TTC5: variants seen among roughly 807,000 people sequenced by gnomAD.
TTC5 encodes tetratricopeptide repeat protein 5.
In TTC5, 46 loss-of-function variants were observed where a neutral mutation model predicts 57.4. That is an observed-to-expected ratio of 0.80 (90% CI 0.63 to 1.03). The LOEUF is 1.03. TTC5 is among the 50% of genes least tolerant of loss of function. TTC5 has a pLI of 0.00. For missense variants in TTC5, 504 were observed against 528.1 expected (o/e 0.95, Z 0.45); for synonymous variants, 190 against 203.5 (o/e 0.93, Z 0.57).
At chr14:20,295,081 G>A in intron 8 of TTC5, 2 of 544,368 alleles carry the variant, frequency 3.7e-6, no homozygotes, top group Non-Finnish European at 6.6e-6. Flanking sequence ...AATCCACATA[G>A]CACCAAACTC....
chr14:20,292,058 C>T lies in TTC5; in HGVS notation c.1128G>A (p.Trp376Ter). ...CTACAGAGTCTCCAATGAGCACTCC[C>T]CAGCTCTGCACTATATTGTACACCA... is the stretch of plus-strand genomic sequence containing the variant. Reference protein sequence around the residue: ...AVMVYNIVQSWGVLIGDSVAI... With the variant: ...AVMVYNIVQS Residue 376 changes from tryptophan (W) to a stop codon, truncating the protein, a stop_gained, in exon 9 of 10, where the codon TGG becomes TGA. Transcript: ENST00000258821. LOFTEE classifies it high-confidence loss of function. The T allele has an allele frequency of 6.2e-7, 1 of 1,602,876 alleles. No individual in the cohort carries two copies. Among genetic ancestry groups the T allele is most frequent in the Non-Finnish European group, 8.5e-7 (1 of 1,174,682 alleles).
At chr14:20,298,683 C>T (rs1882116982) in intron 5 of TTC5, 114 bp downstream of exon 5, 1 of 711,250 alleles carries the variant, frequency 1.4e-6, no homozygotes, top group Non-Finnish European at 2.4e-6. Flanking sequence ...AATGAGATGC[C>T]AGCAAACACT....
chr14:20,296,575 C>A (rs1333664983), intron 5 of TTC5, 129 bp from the exon 6 acceptor site: 3 of 759,494 alleles, frequency 4.0e-6, no homozygotes, highest in Non-Finnish European at 6.9e-6. Context: ...GTATTTATAC[C>A]ACAGAAGCAG....
chr14:20,300,847 G>A, intron 2 of TTC5, 29 bp from the exon 3 acceptor site: 1 of 1,550,452 alleles, frequency 6.4e-7, no homozygotes, highest in Non-Finnish European at 8.7e-7. Flanking sequence ...GATAAAGTGG[G>A]AAAAAAACAA....
chr14:20,302,036 A>G, intron 1 of TTC5, 71 bp from the exon 2 acceptor site: 2 of 1,548,312 alleles, frequency 1.3e-6, no homozygotes, highest in Middle Eastern at 2.1e-4. Context: ...TTGGCTAGCC[A>G]TACCAGCTCT....
chr14:20,298,955 T>C (rs1882124130), intron 4 of TTC5, 67 bp from the exon 5 acceptor site: 2 of 1,249,392 alleles, frequency 1.6e-6, no homozygotes, highest in African/African-American at 2.9e-5. Flanking sequence ...ATTTTGATCA[T>C]TCTTGAAAGT....
Position 20,300,638 on chromosome 14 carries a change from G to A in TTC5, c.365C>T (p.Ala122Val). ...GAGGGCTCCTGAGAAGCAGGTGTGG[G>A]CAGCTGCAACATCCCCTTTTTTCCA... Reference protein sequence around the residue: ...VYWKKGDVAAAHTCFSGALTH... With the variant: ...VYWKKGDVAAVHTCFSGALTH... The change falls in exon 3 of 10, where the codon GCC becomes GTC. Residue 122 changes from alanine (A) to valine (V), a missense_variant. Transcript: ENST00000258821. 1 of 1,613,414 alleles carries A rather than the reference G, an allele frequency of 6.2e-7. No homozygotes were observed. Among genetic ancestry groups the A allele is most frequent in the Non-Finnish European group, 8.5e-7 (1 of 1,179,956 alleles).
rs2138814053 is a variant in TTC5, at chr14:20,298,807, T to C, written c.629A>G (p.Tyr210Cys). The C allele has an allele frequency of 3.7e-6, 6 of 1,613,204 alleles. No individual in the cohort carries two copies. The highest frequency in any genetic ancestry group is 1.1e-5 in the South Asian group (1 of 91,052). The change falls in exon 5 of 10, where the codon TAT becomes TGT. Residue 210 changes from tyrosine (Y) to cysteine (C), a missense_variant. Coordinates refer to ENST00000258821, the MANE Select transcript of TTC5 (RefSeq NM_138376.3). ...ACCATAAGTACTTACTGCTTGGGCA[T>C]AGGCACTGAGGGCTTGCTGGGAGAT... ...PKISQQALSA[Y>C]AQAEKVDRKA...
intron 1 of TTC5, among the ~76,000 whole-genome samples, chr14:20,303,885 A>G (rs1882239729): frequency 6.6e-6 from 1 of 152,170 alleles, no homozygotes; most frequent in Non-Finnish European, 1.5e-5. Context: ...CACCTGGAAG[A>G]CCTTATGCCT....
At chr14:20,301,139 G>A (rs1882181935) in intron 2 of TTC5, among the ~76,000 whole-genome samples, 1 of 152,168 alleles carries the variant, frequency 6.6e-6, no homozygotes, top group South Asian at 2.1e-4. Flanking sequence ...TTAAAACCAT[G>A]AAAAAGAGCA....
At chr14:20,305,762 A>G (rs1882278655) in intron 1 of TTC5, 125 bp downstream of exon 1, 3 of 1,028,948 alleles carry the variant, frequency 2.9e-6, no homozygotes, top group Admixed American at 1.8e-5. Flanking sequence ...GGGTTGTTAT[A>G]GTAACCACAC....
At chr14:20,302,326 T>C (rs1224248465) in intron 1 of TTC5, among the ~76,000 whole-genome samples, 1 of 152,240 alleles carries the variant, frequency 6.6e-6, no homozygotes, top group Non-Finnish European at 1.5e-5. Context: ...GATCATTCTA[T>C]ATGGTCCTGG....
At chr14:20,301,353 C>A (rs921531869) in intron 2 of TTC5, among the ~76,000 whole-genome samples, 4 of 152,120 alleles carry the variant, frequency 2.6e-5, no homozygotes, top group Admixed American at 6.5e-5. Context: ...ACAGAAAGTT[C>A]CTCTACAAGT....
intron 5 of TTC5, among the ~76,000 whole-genome samples, chr14:20,297,478 TAA>T: frequency 6.6e-6 from 1 of 151,968 alleles, no homozygotes; most frequent in East Asian, 1.9e-4. Context: ...AACTTCAGAT[TAA>T]AAAGAGATGA....
At position 20,305,926 on chromosome 14, in the gene TTC5, A is replaced by G. The variant is rs775813740; in HGVS notation, c.12T>C (p.Asp4=). 2 of 1,614,052 alleles carry G rather than the reference A, an allele frequency of 1.2e-6. No individual in the cohort carries two copies. The highest frequency in any genetic ancestry group is 1.6e-4 in the Middle Eastern group (1 of 6,062). The change falls in exon 1 of 10, where the codon GAT becomes GAC. Residue 4 remains aspartate (D), a synonymous_variant. Transcript: ENST00000258821. MMA[D]EEEEVKPILQ... ...AGATCGGCTTGACTTCTTCCTCTTC[A>G]TCAGCCATCATCTCCCGGCCACTCC...
In TTC5 at chr14:20,289,557, T is replaced by C; in HGVS notation, c.*70A>G. On this transcript the variant is annotated 3_prime_UTR_variant, in exon 10 of 10. Coordinates refer to ENST00000258821, the MANE Select transcript of TTC5 (RefSeq NM_138376.3). Reference sequence around the variant, plus strand: ...CTCCCATCCCTGCTGAATCACTGGATGTGGCTGGACCGGCTGTCCAGAGCC... The same window carrying C: ...CTCCCATCCCTGCTGAATCACTGGACGTGGCTGGACCGGCTGTCCAGAGCC... 1.3e-6 allele frequency: 2 copies of C among 1,532,944 alleles called. No individual in the cohort carries two copies. The highest frequency in any genetic ancestry group is 2.8e-5 in the African/African-American group (2 of 72,564). 95.0% of individuals were successfully genotyped at this position (1,532,944 alleles called of 1,614,324 possible).
At chr14:20,298,619 T>C (rs1283673938) in intron 5 of TTC5, among the ~76,000 whole-genome samples, 178 bp downstream of exon 5, 1 of 152,118 alleles carries the variant, frequency 6.6e-6, no homozygotes, top group East Asian at 1.9e-4. Context: ...TTCCTAACAC[T>C]CAAGTTATAA....
intron 3 of TTC5, among the ~76,000 whole-genome samples, chr14:20,300,140 C>CTTGT: frequency 6.1e-5 from 1 of 16,332 alleles, no homozygotes. Flanking sequence ...ACGTCTGGTC[C>CTTGT]ATGTATATAT....
intron 2 of TTC5, 93 bp from the exon 3 acceptor site, chr14:20,300,911 A>T: frequency 1.0e-6 from 1 of 1,002,612 alleles, no homozygotes; most frequent in South Asian, 1.6e-5. Context: ...AGTTTTAGGA[A>T]TAAAAAGAGT....
Sources: allele counts gnomAD v4.1 joint callset (sites outside exome capture counted in the v4.1 genomes callset), GRCh38; gene constraint gnomAD v4.1.1; transcripts MANE v1.5; gene names NCBI Gene and HGNC (gene_info 2026-07-23, HGNC 2026-07-21).